C10orf90: variants seen among roughly 807,000 people sequenced by gnomAD.
The protein encoded by C10orf90 is (E2-independent) E3 ubiquitin-conjugating enzyme FATS.
A neutral mutation model predicts 62.5 loss-of-function variants in C10orf90; 56 were observed. That is an observed-to-expected ratio of 0.90 (90% CI 0.72 to 1.12). The LOEUF is 1.12. C10orf90 is among the 50% of genes most tolerant of loss of function. The probability of loss-of-function intolerance (pLI) is 0.00; values close to 1 mark genes in which losing one functional copy is unlikely to be tolerated. For missense variants in C10orf90, 970 were observed against 880.4 expected (o/e 1.10, Z -1.29); for synonymous variants, 386 against 340.4 (o/e 1.13, Z -1.47).
intron 2 of C10orf90, among the ~76,000 whole-genome samples, chr10:126,539,940 T>A (rs895524021): frequency 2.0e-5 from 3 of 152,236 alleles, no homozygotes; most frequent in East Asian, 1.9e-4. Flanking sequence ...AAGATCACTA[T>A]TTCAGGTGAT....
intron 2 of C10orf90, among the ~76,000 whole-genome samples, chr10:126,518,801 T>C (rs1863579429): frequency 6.6e-6 from 1 of 151,998 alleles, no homozygotes; most frequent in African/African-American, 2.4e-5. Flanking sequence ...TCCAAAACCA[T>C]TCCCCACTTT....
At chr10:126,651,463 CT>C (rs1399081686) in intron 1 of C10orf90, among the ~76,000 whole-genome samples, 1 of 152,044 alleles carries the variant, frequency 6.6e-6, no homozygotes, top group Non-Finnish European at 1.5e-5. Flanking sequence ...ACAATATTAT[CT>C]TTTTAAAATC....
At chr10:126,451,661 G>A (rs1250865656) in intron 7 of C10orf90, among the ~76,000 whole-genome samples, 1 of 151,236 alleles carries the variant, frequency 6.6e-6, no homozygotes, top group South Asian at 2.1e-4. Context: ...ACACATATGT[G>A]TGTATATATA....
At chr10:126,432,737 CAGGT>C (rs1286253880) in intron 7 of C10orf90, among the ~76,000 whole-genome samples, 1 of 152,192 alleles carries the variant, frequency 6.6e-6, no homozygotes, top group Non-Finnish European at 1.5e-5. Flanking sequence ...GTTCTCCACC[CAGGT>C]GATGCCTTAC....
At chr10:126,487,982 G>A (rs921253665) in intron 4 of C10orf90, among the ~76,000 whole-genome samples, 4 of 151,990 alleles carry the variant, frequency 2.6e-5, no homozygotes, top group South Asian at 2.1e-4. Flanking sequence ...ATGAGTTCAC[G>A]TTACAATTTT....
intron 2 of C10orf90, among the ~76,000 whole-genome samples, chr10:126,530,699 C>T (rs1042071240): frequency 3.3e-5 from 5 of 152,010 alleles, no homozygotes; most frequent in African/African-American, 1.2e-4. Context: ...GCCCAGGCAG[C>T]CTGCAGGCAC....
At chr10:126,634,675 A>G (rs571608078) in intron 2 of C10orf90, among the ~76,000 whole-genome samples, 1 of 152,312 alleles carries the variant, frequency 6.6e-6, no homozygotes, top group East Asian at 1.9e-4. Context: ...AGTGTCTTAT[A>G]TCTATTACGA....
intron 1 of C10orf90, among the ~76,000 whole-genome samples, chr10:126,667,009 T>G (rs1846643183): frequency 1.3e-5 from 2 of 150,188 alleles, no homozygotes. Context: ...ATGATTCTAC[T>G]CAGCCAGAAT....
chr10:126,553,154 AG>A (rs1864677302), intron 2 of C10orf90, among the ~76,000 whole-genome samples: 1 of 152,206 alleles, frequency 6.6e-6, no homozygotes, highest in Non-Finnish European at 1.5e-5. Context: ...AAGAGAAAAA[AG>A]GATAAATAAT....
chr10:126,507,986 C>T (rs989640885), intron 3 of C10orf90, among the ~76,000 whole-genome samples: 2 of 151,428 alleles, frequency 1.3e-5, no homozygotes, highest in East Asian at 1.9e-4. Flanking sequence ...GTGTACCCCA[C>T]GAGGAGTGCA....
chr10:126,552,681 A>G (rs532112591), intron 2 of C10orf90, among the ~76,000 whole-genome samples: 1 of 152,342 alleles, frequency 6.6e-6, no homozygotes, highest in Non-Finnish European at 1.5e-5. Flanking sequence ...TGATTTACCC[A>G]GGAGAAAGGA....
At chr10:126,640,043 C>T (rs1046311733) in intron 2 of C10orf90, among the ~76,000 whole-genome samples, 2 of 152,228 alleles carry the variant, frequency 1.3e-5, no homozygotes, top group Admixed American at 1.3e-4. Context: ...CTAATAACAT[C>T]CTACCCAAGC....
chr10:126,552,715 G>A (rs1054170696), intron 2 of C10orf90, among the ~76,000 whole-genome samples: 4 of 152,360 alleles, frequency 2.6e-5, no homozygotes, highest in Non-Finnish European at 4.4e-5. Flanking sequence ...TACCTGCCGC[G>A]CATATGCGCA....
Position 126,429,791 on chromosome 10 carries a change from T to G in C10orf90, c.2248A>C (p.Lys750Gln). Residue 750 changes from lysine to glutamine, a missense_variant, in exon 8 of 10, where the codon AAG becomes CAG. Physicochemically the swap from Lys to Gln is moderately conservative, Grantham distance 53. Transcript: ENST00000488181. ...CACCATACAATAACCAAGTACCTCT[T>G]AGATCGCATATGCATCTCCTTCTCT... Reference protein sequence around the residue: ...ISEKEMHMRSKRIYDNLPEVK... With the variant: ...ISEKEMHMRSQRIYDNLPEVK... 6.2e-7 allele frequency: 1 copy of G among 1,613,984 alleles called. No individual in the cohort carries two copies. Among genetic ancestry groups the G allele is most frequent in the Non-Finnish European group, 8.5e-7 (1 of 1,179,888 alleles).
chr10:126,627,036 G>C (rs1385700601), intron 2 of C10orf90, among the ~76,000 whole-genome samples: 2 of 121,346 alleles, frequency 1.6e-5, no homozygotes, highest in South Asian at 2.5e-4. Context: ...GTCTCGCTCT[G>C]TCACCCACGC....
rs547789324 is a variant in C10orf90, at chr10:126,644,132, C to T, written c.313+2433G>A. On this transcript the variant is annotated intron_variant, in intron 2 of 9. Transcript: ENST00000488181. ...CTAAGCCAGTTTAGGGGGAATGCCC[C>T]CGACCCTTGATGGCTAATCATGTTC... Among the ~76,000 whole-genome samples the T allele has an allele frequency of 2.6e-5, 4 of 152,314 alleles. No homozygotes were observed. The South Asian group carries it at 8.3e-4, about 32-fold the overall frequency.
At chr10:126,474,534 C>T (rs143540322) in intron 4 of C10orf90, among the ~76,000 whole-genome samples, 1 of 152,050 alleles carries the variant, frequency 6.6e-6, no homozygotes, top group Non-Finnish European at 1.5e-5. Flanking sequence ...TCTGCTAGAA[C>T]AAAAACACAA....
intron 4 of C10orf90, among the ~76,000 whole-genome samples, chr10:126,483,844 G>A (rs930722385): frequency 1.3e-5 from 2 of 152,080 alleles, no homozygotes; most frequent in African/African-American, 2.4e-5. Flanking sequence ...TCAAGTTCAC[G>A]GTGATCCAAG....
intron 2 of C10orf90, among the ~76,000 whole-genome samples, chr10:126,566,497 G>A (rs1844393294): frequency 6.6e-6 from 1 of 152,200 alleles, no homozygotes. Flanking sequence ...GGGATACTGG[G>A]GCAGCCTTGC....
Sources: gnomAD v4.1 joint callset for allele counts (sites outside exome capture counted in the v4.1 genomes callset) on GRCh38, gnomAD v4.1.1 for gene constraint, MANE v1.5 for transcripts, NCBI Gene and HGNC (gene_info 2026-07-23, HGNC 2026-07-21) for gene names.